The following ROBO2 variants were observed in gnomAD, a reference collection of about 807,000 sequenced individuals.
The protein encoded by ROBO2 is roundabout homolog 2.
Under a neutral mutation model 160.8 loss-of-function variants are expected in ROBO2, and 53 were observed. The observed-to-expected ratio is 0.33, with a 90% confidence interval of 0.26 to 0.41. ROBO2 has a LOEUF of 0.41. Ranked by LOEUF, ROBO2 falls within the 10% of genes least tolerant of loss-of-function variation. The pLI is 1.00. For missense variants in ROBO2, 1,577 were observed against 1,722.4 expected (o/e 0.92, Z 1.49); for synonymous variants, 664 against 611.7 (o/e 1.09, Z -1.26).
intron 2 of ROBO2, among the ~76,000 whole-genome samples, chr3:76,697,259 T>C (rs2608166): frequency 0.58 from 87,592 of 152,074 alleles, 26,767 homozygotes; most frequent in East Asian, 0.78. Flanking sequence ...TTTTCTTTAA[T>C]GTATTTTTTC....
intron 2 of ROBO2, among the ~76,000 whole-genome samples, chr3:76,632,772 C>T (rs549827404): frequency 6.6e-6 from 1 of 152,176 alleles, no homozygotes; most frequent in Non-Finnish European, 1.5e-5. Context: ...AATAAGTCCT[C>T]TACATTGGGA....
chr3:76,251,245 C>T (rs1246556504), intron 2 of ROBO2, among the ~76,000 whole-genome samples: 1 of 151,504 alleles, frequency 6.6e-6, no homozygotes, highest in African/African-American at 2.4e-5. Flanking sequence ...TTTCCAATGC[C>T]ATATTAAAGA....
intron 1 of ROBO2, among the ~76,000 whole-genome samples, chr3:77,088,490 A>G (rs1272823303): frequency 6.6e-6 from 1 of 152,138 alleles, no homozygotes; most frequent in Non-Finnish European, 1.5e-5. Context: ...GCACCTGTCA[A>G]TCCATCACTT....
intron 1 of ROBO2, among the ~76,000 whole-genome samples, chr3:77,085,587 T>C (rs2069196845): frequency 6.6e-6 from 1 of 152,080 alleles, no homozygotes; most frequent in Admixed American, 6.6e-5. Flanking sequence ...GCCCGAGTTG[T>C]ATTTGGATAC....
chr3:77,218,667 C>T (rs765026039), intron 2 of ROBO2, among the ~76,000 whole-genome samples: 7 of 152,240 alleles, frequency 4.6e-5, no homozygotes, highest in Non-Finnish European at 8.8e-5. Context: ...CTACCGTGCC[C>T]GGCCTGAAAT....
At chr3:76,337,275 C>T (rs769100514) in intron 2 of ROBO2, among the ~76,000 whole-genome samples, 2 of 152,130 alleles carry the variant, frequency 1.3e-5, no homozygotes, top group Non-Finnish European at 2.9e-5. Flanking sequence ...AAAATAACAG[C>T]TCTGTATACA....
At chr3:76,853,991 A>G (rs1228599366) in intron 2 of ROBO2, among the ~76,000 whole-genome samples, 6 of 151,768 alleles carry the variant, frequency 4.0e-5, no homozygotes, top group African/African-American at 1.5e-4. Context: ...AAATGCATAG[A>G]TAAATGGACA....
In ROBO2 at chr3:77,587,703, T is replaced by C. The variant is rs182661367; in HGVS notation, c.2501-1048T>C. Among the ~76,000 whole-genome samples the C allele has an allele frequency of 8.5e-5, 13 of 152,230 alleles. No homozygotes were observed. In the East Asian group the frequency reaches 1.9e-3, roughly 23 times the overall value. On this transcript the variant is annotated intron_variant, in intron 16 of 25. Coordinates refer to ENST00000461745, the Ensembl canonical transcript of ROBO2. ...ATCATGACTTCAAAGATCATGATCT[T>C]TTTAACATATTACAGTGCTATAGCT...
intron 2 of ROBO2, among the ~76,000 whole-genome samples, chr3:77,214,359 T>G (rs1333594319): frequency 6.6e-6 from 1 of 152,184 alleles, no homozygotes; most frequent in African/African-American, 2.4e-5. Flanking sequence ...CTTTTGATCT[T>G]TGTTGGTTTA....
chr3:76,378,765 A>G (rs1176941898), intron 2 of ROBO2, among the ~76,000 whole-genome samples: 5 of 152,204 alleles, frequency 3.3e-5, no homozygotes, highest in African/African-American at 1.2e-4. Context: ...TTGCCAAACC[A>G]GTAAATGGTA....
At chr3:77,102,809 T>C (rs1314492920) in intron 2 of ROBO2, among the ~76,000 whole-genome samples, 2 of 144,196 alleles carry the variant, frequency 1.4e-5, no homozygotes, top group Non-Finnish European at 3.0e-5. Context: ...ATCATTGCAA[T>C]GAATCACCTC....
intron 2 of ROBO2, among the ~76,000 whole-genome samples, chr3:76,197,280 C>G (rs1332323446): frequency 6.7e-6 from 1 of 148,548 alleles, no homozygotes; most frequent in African/African-American, 2.5e-5. Flanking sequence ...AGATTTGGAT[C>G]TGGGCCTGCC....
At chr3:76,497,991 A>T (rs2107605845) in intron 2 of ROBO2, among the ~76,000 whole-genome samples, 1 of 152,288 alleles carries the variant, frequency 6.6e-6, no homozygotes, top group East Asian at 1.9e-4. Context: ...TTCACAACTT[A>T]TCACTCCCTT....
chr3:77,308,479 C>A (rs2063284946), intron 2 of ROBO2, among the ~76,000 whole-genome samples: 1 of 152,096 alleles, frequency 6.6e-6, no homozygotes, highest in Admixed American at 6.6e-5. Context: ...GTCAGTGACG[C>A]TGGATATATC....
chr3:76,195,730 A>G (rs1702229978), intron 2 of ROBO2, among the ~76,000 whole-genome samples: 1 of 152,318 alleles, frequency 6.6e-6, no homozygotes, highest in South Asian at 2.1e-4. Flanking sequence ...AAGGATTTGA[A>G]CTCAGATCTC....
chr3:77,090,988 A>G lies in ROBO2; in HGVS notation c.62-7026A>G, dbSNP rs373754243. ...TTTAAGAGAGAAAAATGAACACAGC[A>G]TAGAAATTTTGCTGGAGGAAGTATA... On this transcript the variant is annotated intron_variant, in intron 1 of 25. Coordinates refer to ENST00000461745, the Ensembl canonical transcript of ROBO2. Among the ~76,000 whole-genome samples the G allele has an allele frequency of 5.6e-4, 86 of 152,346 alleles. No homozygotes were observed. In the Middle Eastern group the frequency reaches 0.014, roughly 24 times the overall value.
chr3:77,644,026 A>G (rs1388193344), intron 24 of ROBO2, among the ~76,000 whole-genome samples: 2 of 152,158 alleles, frequency 1.3e-5, no homozygotes, highest in South Asian at 4.1e-4. Flanking sequence ...GAGAGGGAGC[A>G]ATGAGAATAG....
chr3:77,369,699 G>C (rs1417769631), intron 2 of ROBO2, among the ~76,000 whole-genome samples: 1 of 152,152 alleles, frequency 6.6e-6, no homozygotes, highest in Non-Finnish European at 1.5e-5. Flanking sequence ...GAGGATACTG[G>C]AACTTGCATT....
At chr3:77,175,487 A>C (rs1248505063) in intron 2 of ROBO2, among the ~76,000 whole-genome samples, 1 of 152,032 alleles carries the variant, frequency 6.6e-6, no homozygotes, top group African/African-American at 2.4e-5. Flanking sequence ...GGAATCGCTC[A>C]AAATTTTGAA....
Sources: gnomAD v4.1 joint callset for allele counts (sites outside exome capture counted in the v4.1 genomes callset) on GRCh38, gnomAD v4.1.1 for gene constraint, MANE v1.5 for transcripts, NCBI Gene and HGNC (gene_info 2026-07-23, HGNC 2026-07-21) for gene names.